FAT3: variants seen among roughly 807,000 people sequenced by gnomAD.
FAT3 encodes FAT atypical cadherin 3.
In FAT3, 95 loss-of-function variants were observed where a neutral mutation model predicts 310.2. The ratio of observed to expected loss-of-function variants is 0.31; its 90% CI spans 0.26 to 0.36. The LOEUF (loss-of-function observed/expected upper bound fraction) is 0.36, where lower values mean the gene tolerates loss of function less well. Among genes scored for constraint, FAT3 ranks in the 10% least tolerant of loss-of-function variants. FAT3 has a pLI of 1.00. For missense variants in FAT3, 5,408 were observed against 5,715.6 expected (o/e 0.95, Z 1.74); for synonymous variants, 2,314 against 2,192.9 (o/e 1.06, Z -1.54).
intron 1 of FAT3, among the ~76,000 whole-genome samples, chr11:92,326,382 A>C (rs868760639): frequency 1.1e-4 from 17 of 152,354 alleles, no homozygotes; most frequent in African/African-American, 4.1e-4. Flanking sequence ...TTTCTGAATT[A>C]AAGGAATTAA....
intron 27 of FAT3, among the ~76,000 whole-genome samples, chr11:92,890,092 C>T (rs113726793): frequency 1.6e-4 from 24 of 152,326 alleles, no homozygotes; most frequent in African/African-American, 5.3e-4. Context: ...CACCCATTTG[C>T]CTGCACGCCT....
chr11:92,230,482 G>C (rs897683928), intron 1 of FAT3, among the ~76,000 whole-genome samples: 1 of 151,932 alleles, frequency 6.6e-6, no homozygotes, highest in African/African-American at 2.4e-5. Context: ...TTAGTAGACA[G>C]GGTGTTTCAC....
chr11:92,339,545 A>C (rs1948185530), intron 1 of FAT3, among the ~76,000 whole-genome samples: 1 of 152,244 alleles, frequency 6.6e-6, no homozygotes, highest in African/African-American at 2.4e-5. Flanking sequence ...ACTAAAATAT[A>C]TTTAGAATAA....
chr11:92,801,509 A>G lies in FAT3; in HGVS notation c.8496A>G (p.Lys2832=). Residue 2832 remains lysine (K), a synonymous_variant, in exon 10 of 28, where the codon AAA becomes AAG. Transcript: ENST00000525166. The part of the protein sequence containing the change: ...IIMEGMPVGT[K]LTQVRAIDMD... ...TGGAAGGGATGCCTGTTGGCACCAA[A>G]CTCACACAAGTGAGAGCTATTGATA... 6.2e-7 allele frequency: 1 copy of G among 1,611,606 alleles called. No individual in the cohort carries two copies. The highest frequency in any genetic ancestry group is 1.1e-5 in the South Asian group (1 of 90,578).
chr11:92,752,514 G>T (rs770299476), intron 4 of FAT3, among the ~76,000 whole-genome samples: 12 of 152,228 alleles, frequency 7.9e-5, no homozygotes, highest in African/African-American at 2.9e-4. Flanking sequence ...AGCTTTTAAT[G>T]CATGTTACCT....
At chr11:92,500,415 T>C (rs1952900495) in intron 2 of FAT3, among the ~76,000 whole-genome samples, 1 of 152,020 alleles carries the variant, frequency 6.6e-6, no homozygotes, top group South Asian at 2.1e-4. Context: ...CAGGACAAGA[T>C]TGATGCCCTA....
rs1000490320 is a variant in FAT3 at position 92,631,762 on chromosome 11, A to G, written c.3608-65622A>G. On this transcript the variant is annotated intron_variant, in intron 3 of 27. Coordinates refer to ENST00000525166, the MANE Select transcript of FAT3 (RefSeq NM_001367949.2). The stretch of plus-strand genomic sequence containing the variant: ...ATAAAATATGAGGAAATTAAAACCT[A>G]TAATTCTTTTTTTCCTCAGTAAACC... Among the ~76,000 whole-genome samples, 7 of 152,274 alleles carry G rather than the reference A, an allele frequency of 4.6e-5. No homozygotes were observed. In the East Asian group the frequency reaches 1.2e-3, roughly 25 times the overall value.
intron 2 of FAT3, among the ~76,000 whole-genome samples, chr11:92,398,500 CAA>C (rs35977408): frequency 0.13 from 10,621 of 80,578 alleles, 351 homozygotes; most frequent in South Asian, 0.23. Context: ...AACTCCGTCC[CAA>C]AAAAAAAAAA....
intron 7 of FAT3, among the ~76,000 whole-genome samples, chr11:92,778,742 G>C (rs1946660232): frequency 6.6e-6 from 1 of 151,928 alleles, no homozygotes; most frequent in East Asian, 1.9e-4. Context: ...ATTTCAGCAT[G>C]CAGCCCCCGA....
chr11:92,482,673 C>T (rs113423202), intron 2 of FAT3, among the ~76,000 whole-genome samples: 1 of 152,132 alleles, frequency 6.6e-6, no homozygotes, highest in African/African-American at 2.4e-5. Context: ...TCTGGCAGCC[C>T]AATACAGTAA....
At chr11:92,867,608 C>A (rs1182552294) in intron 22 of FAT3, among the ~76,000 whole-genome samples, 1 of 152,144 alleles carries the variant, frequency 6.6e-6, no homozygotes, top group Non-Finnish European at 1.5e-5. Flanking sequence ...GATGCCCATG[C>A]ACATGAAATT....
chr11:92,858,337 A>G (rs563020880), intron 20 of FAT3, among the ~76,000 whole-genome samples: 1 of 152,352 alleles, frequency 6.6e-6, no homozygotes, highest in East Asian at 1.9e-4. Flanking sequence ...CACTGTGCAC[A>G]TAGCAGGTGG....
Position 92,414,457 on chromosome 11 carries a change from G to GTCAT in FAT3, c.3292+59055_3292+59058dup, listed in dbSNP as rs563362109. On this transcript the variant is annotated intron_variant, in intron 2 of 27. Coordinates refer to ENST00000525166, the MANE Select transcript of FAT3 (RefSeq NM_001367949.2). ...GGTCATTCTTCTTTTGCCAAGCTCA[G>GTCAT]TCATTGGTGGCTTTCCATTGCAAAA... 3.0e-3 allele frequency among the ~76,000 whole-genome samples: 462 copies of GTCAT among 152,320 alleles called. 1 individual carries two copies. Among genetic ancestry groups the GTCAT allele is most frequent in the Non-Finnish European group, 5.4e-3 (366 of 68,030 alleles).
chr11:92,360,824 C>T (rs1398056957), intron 2 of FAT3, among the ~76,000 whole-genome samples: 1 of 152,192 alleles, frequency 6.6e-6, no homozygotes, highest in East Asian at 1.9e-4. Flanking sequence ...CACAGTAATG[C>T]AACAAGGTAG....
intron 4 of FAT3, among the ~76,000 whole-genome samples, chr11:92,737,260 ACCAGCCCTTGATTTTTGTCTC>A (rs1945378263): frequency 6.6e-6 from 1 of 152,160 alleles, no homozygotes; most frequent in African/African-American, 2.4e-5. Context: ...CGGAGGATAT[ACCAGCCCTTGATTTTTGTCTC>A]TGATTTCCAT....
At chr11:92,635,963 G>GTTTTGT (rs1425725103) in intron 3 of FAT3, among the ~76,000 whole-genome samples, 1 of 151,882 alleles carries the variant, frequency 6.6e-6, no homozygotes, top group East Asian at 1.9e-4. Context: ...GTTTTGTTTT[G>GTTTTGT]TTTTGTTTTT....
intron 3 of FAT3, among the ~76,000 whole-genome samples, chr11:92,648,973 C>A (rs1942270678): frequency 3.9e-5 from 6 of 152,144 alleles, no homozygotes; most frequent in Admixed American, 3.3e-4. Flanking sequence ...CTGTTTTCAT[C>A]TCTTGTTTCT....
intron 2 of FAT3, among the ~76,000 whole-genome samples, chr11:92,414,379 G>C (rs751333502): frequency 2.0e-4 from 30 of 152,154 alleles, no homozygotes; most frequent in Non-Finnish European, 3.8e-4. Flanking sequence ...CACGGATTTG[G>C]TGATCTGGTC....
Position 92,526,811 on chromosome 11 carries a change from G to T in FAT3, c.3607+1863G>T, listed in dbSNP as rs144090901. On this transcript the variant is annotated intron_variant, in intron 3 of 27. Transcript: ENST00000525166. The stretch of plus-strand genomic sequence containing the variant: ...GATTTTTAAAAAGCATTTTTGCCAG[G>T]AATGACATTTTTGTCCAACTGATCT... Among the ~76,000 whole-genome samples, 141 of 152,184 alleles carry T rather than the reference G, an allele frequency of 9.3e-4. 1 individual carries two copies. The highest frequency in any genetic ancestry group is 3.1e-3 in the African/African-American group (130 of 41,514).
Sources: allele counts gnomAD v4.1 joint callset (sites outside exome capture counted in the v4.1 genomes callset), GRCh38; gene constraint gnomAD v4.1.1; transcripts MANE v1.5; gene names NCBI Gene and HGNC (gene_info 2026-07-23, HGNC 2026-07-21).